The following CEMIP variants were observed in gnomAD, a reference collection of about 807,000 sequenced individuals.
The protein encoded by CEMIP is cell migration inducing hyaluronidase 1, also known as cell migration-inducing and hyaluronan-binding protein.
A neutral mutation model predicts 156.9 loss-of-function variants in CEMIP; 105 were observed. The ratio of observed to expected loss-of-function variants is 0.67; its 90% CI spans 0.57 to 0.79. The LOEUF is 0.79. Among genes scored for constraint, CEMIP ranks in the 30% least tolerant of loss-of-function variants. CEMIP has a pLI of 0.00. For synonymous variants in CEMIP, 676 were observed against 668.4 expected (o/e 1.01, Z -0.17); for missense variants, 1,457 against 1,769.4 (o/e 0.82, Z 3.17).
chr15:80,930,427 G>C (rs374998297), intron 21 of CEMIP, among the ~76,000 whole-genome samples: 6 of 152,184 alleles, frequency 3.9e-5, no homozygotes, highest in Admixed American at 6.5e-5. Flanking sequence ...ACTGAGGCAG[G>C]TTCCTCAAAT....
intron 1 of CEMIP, among the ~76,000 whole-genome samples, chr15:80,782,630 T>C (rs1895827377): frequency 6.6e-6 from 1 of 152,204 alleles, no homozygotes; most frequent in Non-Finnish European, 1.5e-5. Context: ...TGTGCGTGCA[T>C]GTGAGTGTTT....
chr15:80,814,043 CTTTTTTTTTTTTTT>C (rs778309859), intron 1 of CEMIP, among the ~76,000 whole-genome samples: 33 of 73,746 alleles, frequency 4.5e-4, no homozygotes, highest in African/African-American at 1.9e-3. Context: ...AACTCTTTGG[CTTTTTTTTTTTTTT>C]TTTTTTTTTT....
chr15:80,786,006 C>CT (rs1895927986), intron 1 of CEMIP, among the ~76,000 whole-genome samples: 1 of 151,968 alleles, frequency 6.6e-6, no homozygotes, highest in South Asian at 2.1e-4. Flanking sequence ...CCACAAAATG[C>CT]TTTTTTTGCG....
intron 19 of CEMIP, among the ~76,000 whole-genome samples, chr15:80,926,907 T>G (rs998881106): frequency 1.4e-5 from 2 of 147,756 alleles, no homozygotes; most frequent in South Asian, 4.6e-4. Flanking sequence ...CTCAGCACAC[T>G]GCAACCTCTG....
Position 80,862,297 on chromosome 15 carries a change from C to T in CEMIP, c.-175-11241C>T, listed in dbSNP as rs1898005547. ...AGATGAGGCTCACTTGTTTAAAGAC[C>T]ATTGGTGGACTGGGAAGGCCAGACA... is the stretch of plus-strand genomic sequence containing the variant. On this transcript the variant is annotated intron_variant, in intron 1 of 29. Coordinates refer to ENST00000394685, the MANE Select transcript of CEMIP (RefSeq NM_001293298.2). 2.0e-5 allele frequency among the ~76,000 whole-genome samples: 3 copies of T among 152,256 alleles called. No homozygotes were observed. In the South Asian group the frequency reaches 6.2e-4, roughly 32 times the overall value.
chr15:80,894,182 C>T lies in CEMIP; in HGVS notation c.1087-808C>T, dbSNP rs539878868. On this transcript the variant is annotated intron_variant, in intron 10 of 29. Transcript: ENST00000394685. Reference sequence around the variant, plus strand: ...CCTTGCCCACCCAGAGCCCACCATGCGGTGGGAGGAGGCAGACATTTGAAC... The same window carrying T: ...CCTTGCCCACCCAGAGCCCACCATGTGGTGGGAGGAGGCAGACATTTGAAC... 3.2e-4 allele frequency among the ~76,000 whole-genome samples: 49 copies of T among 152,280 alleles called. No homozygotes were observed. In the South Asian group the frequency reaches 8.7e-3, roughly 27 times the overall value.
At chr15:80,879,499 T>C (rs1040688224) in intron 4 of CEMIP, among the ~76,000 whole-genome samples, 2 of 152,176 alleles carry the variant, frequency 1.3e-5, no homozygotes, top group Non-Finnish European at 2.9e-5. Context: ...GGAGCATCCA[T>C]GGAGTTTGGT....
intron 1 of CEMIP, among the ~76,000 whole-genome samples, chr15:80,829,965 G>GGTGTGTGTGTGTGTGT (rs370594946): frequency 9.4e-4 from 126 of 133,786 alleles, no homozygotes; most frequent in African/African-American, 2.3e-3. Context: ...GGAGGTAGCG[G>GGTGTGTGTGTGTGTGT]GTGTGTGTGT....
At chr15:80,881,632 A>G (rs572397802) in intron 6 of CEMIP, among the ~76,000 whole-genome samples, 2 of 152,344 alleles carry the variant, frequency 1.3e-5, no homozygotes, top group Non-Finnish European at 2.9e-5. Flanking sequence ...GAAGAGCAGC[A>G]TGCAATCACA....
chr15:80,783,068 C>G (rs995452991), intron 1 of CEMIP, among the ~76,000 whole-genome samples: 2 of 152,182 alleles, frequency 1.3e-5, no homozygotes, highest in Admixed American at 6.5e-5. Flanking sequence ...GAGCAAATGG[C>G]AAGAGTGGCA....
chr15:80,791,890 G>A (rs563752052), intron 1 of CEMIP, among the ~76,000 whole-genome samples: 5 of 152,314 alleles, frequency 3.3e-5, no homozygotes, highest in Non-Finnish European at 4.4e-5. Flanking sequence ...TAGTCACCAC[G>A]AAGGATGCAG....
chr15:80,784,982 C>G (rs1895892700), intron 1 of CEMIP, among the ~76,000 whole-genome samples: 1 of 152,170 alleles, frequency 6.6e-6, no homozygotes, highest in African/African-American at 2.4e-5. Flanking sequence ...TATAATGACC[C>G]TTAAAATTCT....
intron 12 of CEMIP, among the ~76,000 whole-genome samples, chr15:80,897,522 G>A (rs1899283804): frequency 6.6e-6 from 1 of 152,194 alleles, no homozygotes; most frequent in Non-Finnish European, 1.5e-5. Context: ...TACGTGTTTT[G>A]GAGGGAGATG....
chr15:80,792,854 T>C (rs1051481303), intron 1 of CEMIP, among the ~76,000 whole-genome samples: 1 of 152,158 alleles, frequency 6.6e-6, no homozygotes, highest in South Asian at 2.1e-4. Flanking sequence ...CAGGAACTAG[T>C]CCATCTCAGT....
At chr15:80,918,835 A>G (rs1900367459) in intron 14 of CEMIP, among the ~76,000 whole-genome samples, 1 of 152,052 alleles carries the variant, frequency 6.6e-6, no homozygotes, top group African/African-American at 2.4e-5. Flanking sequence ...CTGGGATTGG[A>G]CAGGGGGGTG....
chr15:80,946,398 A>T (rs1238157504), intron 28 of CEMIP: 1 of 155,914 alleles, frequency 6.4e-6, no homozygotes, highest in African/African-American at 2.4e-5. Context: ...CTGTGGTTCT[A>T]ATGAAATCCC....
At chr15:80,924,551 G>A (rs1900586950) in intron 17 of CEMIP, 70 bp from the exon 18 acceptor site, 3 of 1,355,314 alleles carry the variant, frequency 2.2e-6, no homozygotes, top group Non-Finnish European at 3.2e-6. Context: ...ATGCAGTGAG[G>A]CTGACTGTGA....
At chr15:80,901,317 G>A (rs2141876002) in intron 12 of CEMIP, among the ~76,000 whole-genome samples, 1 of 152,296 alleles carries the variant, frequency 6.6e-6, no homozygotes, top group South Asian at 2.1e-4. Flanking sequence ...GAGGCTCATG[G>A]AAATTAAATA....
chr15:80,790,778 C>T (rs762339818), intron 1 of CEMIP, among the ~76,000 whole-genome samples: 2 of 152,130 alleles, frequency 1.3e-5, no homozygotes, highest in Non-Finnish European at 2.9e-5. Context: ...AATTGTAACC[C>T]GAATGCACTC....
Sources: allele counts gnomAD v4.1 joint callset (sites outside exome capture counted in the v4.1 genomes callset), GRCh38; gene constraint gnomAD v4.1.1; transcripts MANE v1.5; gene names NCBI Gene and HGNC (gene_info 2026-07-23, HGNC 2026-07-21).